Variants in ESRRG observed in about 807,000 individuals in gnomAD.
The protein encoded by ESRRG is estrogen-related receptor gamma.
In ESRRG, 13 loss-of-function variants were observed where a neutral mutation model predicts 44.0. The ratio of observed to expected loss-of-function variants is 0.30; its 90% CI spans 0.19 to 0.47. The LOEUF is 0.47. ESRRG is among the 20% of genes least tolerant of loss of function. The pLI is 1.00. For missense variants in ESRRG, 395 were observed against 580.6 expected (o/e 0.68, Z 3.29); for synonymous variants, 215 against 214.6 (o/e 1.00, Z -0.02).
chr1:216,969,616 G>A (rs368099398), intron 1 of ESRRG, among the ~76,000 whole-genome samples: 48 of 152,042 alleles, frequency 3.2e-4, no homozygotes, highest in East Asian at 1.9e-3. Context: ...ACGGAGTTTC[G>A]CTTTTGTTGC....
intron 3 of ESRRG, among the ~76,000 whole-genome samples, chr1:216,627,460 C>T (rs1233738526): frequency 2.6e-5 from 4 of 152,172 alleles, no homozygotes; most frequent in Admixed American, 2.6e-4. Flanking sequence ...TTCCACTCTG[C>T]TCCATCTAGT....
intron 1 of ESRRG, among the ~76,000 whole-genome samples, chr1:216,971,266 A>C (rs527565635): frequency 6.6e-6 from 1 of 152,356 alleles, no homozygotes; most frequent in South Asian, 2.1e-4. Context: ...TGAGATCTAT[A>C]AGAATCATTA....
chr1:216,530,626 T>C (rs937922346), intron 5 of ESRRG, among the ~76,000 whole-genome samples: 1 of 152,154 alleles, frequency 6.6e-6, no homozygotes, highest in Non-Finnish European at 1.5e-5. Flanking sequence ...TGGGTTAACC[T>C]AAAAATTTGA....
At chr1:216,830,508 G>T (rs1386312047) in intron 2 of ESRRG, among the ~76,000 whole-genome samples, 1 of 152,186 alleles carries the variant, frequency 6.6e-6, no homozygotes, top group East Asian at 1.9e-4. Flanking sequence ...TCAGGTGTAA[G>T]CTTATGAGGA....
At chr1:216,666,939 C>G (rs192310970) in intron 2 of ESRRG, among the ~76,000 whole-genome samples, 6 of 152,120 alleles carry the variant, frequency 3.9e-5, no homozygotes, top group East Asian at 1.9e-4. Flanking sequence ...TCTCCTCCCC[C>G]CAAAAAAAAT....
At chr1:216,848,711 A>T (rs918341567) in intron 2 of ESRRG, among the ~76,000 whole-genome samples, 43 of 152,038 alleles carry the variant, frequency 2.8e-4, no homozygotes, top group African/African-American at 9.9e-4. Context: ...TATTTACTAT[A>T]TTTAGTGTGA....
At chr1:216,805,984 C>T (rs7548687) in intron 2 of ESRRG, among the ~76,000 whole-genome samples, 213 of 152,234 alleles carry the variant, frequency 1.4e-3, no homozygotes, top group African/African-American at 4.8e-3. Flanking sequence ...TTCTTCAGAG[C>T]CATCCTTTCT....
chr1:217,040,033 G>A (rs570852329), intron 1 of ESRRG, among the ~76,000 whole-genome samples: 46 of 152,272 alleles, frequency 3.0e-4, no homozygotes, highest in Non-Finnish European at 5.7e-4. Flanking sequence ...AGAGCAGGGT[G>A]AGAATGAGAC....
At chr1:216,775,091 G>T (rs1297896463) in intron 2 of ESRRG, among the ~76,000 whole-genome samples, 1 of 151,874 alleles carries the variant, frequency 6.6e-6, no homozygotes, top group Non-Finnish European at 1.5e-5. Context: ...TTATAGGCGT[G>T]AGCCACCGTG....
intron 1 of ESRRG, among the ~76,000 whole-genome samples, chr1:216,710,883 G>A (rs1575611715): frequency 6.6e-6 from 1 of 152,104 alleles, no homozygotes; most frequent in Admixed American, 6.5e-5. Flanking sequence ...CAGACAGGGG[G>A]GAAATGCACT....
intron 2 of ESRRG, among the ~76,000 whole-genome samples, chr1:216,798,300 A>G (rs1379456564): frequency 6.6e-6 from 1 of 152,186 alleles, no homozygotes; most frequent in Non-Finnish European, 1.5e-5. Flanking sequence ...TTAGCTAGGG[A>G]GTCACAGAAG....
intron 1 of ESRRG, among the ~76,000 whole-genome samples, chr1:217,055,990 C>T (rs2087010683): frequency 6.6e-6 from 1 of 152,156 alleles, no homozygotes. Context: ...GCTACACTGC[C>T]CTTCCCAGCT....
At chr1:216,690,851 C>G (rs1455629362) in intron 1 of ESRRG, among the ~76,000 whole-genome samples, 1 of 152,102 alleles carries the variant, frequency 6.6e-6, no homozygotes, top group Non-Finnish European at 1.5e-5. Context: ...ATCTCTTAGG[C>G]CAGCTCTTTT....
At chr1:217,108,702 C>A (rs1437430256) in intron 1 of ESRRG, among the ~76,000 whole-genome samples, 1 of 152,072 alleles carries the variant, frequency 6.6e-6, no homozygotes, top group African/African-American at 2.4e-5. Context: ...CCTACTCCCT[C>A]TTCTCCTTCT....
intron 1 of ESRRG, among the ~76,000 whole-genome samples, chr1:216,687,432 T>C (rs2078219771): frequency 6.6e-6 from 1 of 152,214 alleles, no homozygotes; most frequent in Non-Finnish European, 1.5e-5. Context: ...TTCTACCAAC[T>C]GTTAGTTGCT....
At chr1:216,520,444 A>T (rs2045741166) in intron 5 of ESRRG, among the ~76,000 whole-genome samples, 1 of 152,124 alleles carries the variant, frequency 6.6e-6, no homozygotes, top group South Asian at 2.1e-4. Context: ...TTGAGAAAAC[A>T]TATGCAAAAA....
chr1:216,928,431 T>A (rs1408113373), intron 2 of ESRRG, among the ~76,000 whole-genome samples: 2 of 152,180 alleles, frequency 1.3e-5, no homozygotes, highest in African/African-American at 4.8e-5. Context: ...TTTACTATCA[T>A]TAAGAAACTC....
chr1:216,835,423 T>A (rs1216404915), intron 2 of ESRRG, among the ~76,000 whole-genome samples: 1 of 152,210 alleles, frequency 6.6e-6, no homozygotes, highest in Non-Finnish European at 1.5e-5. Context: ...TTGAACACTC[T>A]ACAGTGTATG....
At chr1:216,979,327 G>A (rs1456864026) in intron 1 of ESRRG, among the ~76,000 whole-genome samples, 2 of 152,066 alleles carry the variant, frequency 1.3e-5, no homozygotes, top group African/African-American at 4.8e-5. Flanking sequence ...TTAGAGTTCT[G>A]CTTTGAGATT....
Sources: gnomAD v4.1 joint callset for allele counts (sites outside exome capture counted in the v4.1 genomes callset) on GRCh38, gnomAD v4.1.1 for gene constraint, MANE v1.5 for transcripts, NCBI Gene and HGNC (gene_info 2026-07-23, HGNC 2026-07-21) for gene names.